SLAIN2: variants seen among roughly 807,000 people sequenced by gnomAD.
The protein encoded by SLAIN2 is SLAIN motif-containing protein 2.
SLAIN2 carries 31 observed loss-of-function variants against 56.6 expected under a neutral mutation model. That is an observed-to-expected ratio of 0.55 (90% CI 0.41 to 0.74). The LOEUF (loss-of-function observed/expected upper bound fraction) is 0.74, where lower values mean the gene tolerates loss of function less well. Ranked by LOEUF, SLAIN2 falls within the 30% of genes least tolerant of loss-of-function variation. The probability of loss-of-function intolerance (pLI) is 0.00; values close to 1 mark genes in which losing one functional copy is unlikely to be tolerated. For synonymous variants in SLAIN2, 317 were observed against 284.9 expected, an observed-to-expected ratio of 1.11 and a Z score of -1.13; for missense variants, 777 against 754.2, an observed-to-expected ratio of 1.03 and a Z score of -0.35.
rs892358380 is a variant in SLAIN2 at position 48,364,851 on chromosome 4, C to T, written c.390-4998C>T. Among the ~76,000 whole-genome samples the T allele has an allele frequency of 3.1e-3, 229 of 73,614 alleles. 1 individual carries two copies. The highest frequency in any genetic ancestry group is 0.01 in the East Asian group (23 of 2,228). The allele number at this position is 73,614 out of a possible 152,430, so 48.3% of individuals were successfully genotyped here. A position where few individuals can be genotyped will look rare whatever the true frequency, so the allele number is the denominator to read the frequency against. ...CTTCGGCTCCGCATGAGAGGGAGAC[C>T]GTGGGGAGACGGAGACGGGAGAGGG... is the stretch of plus-strand genomic sequence containing the variant. On this transcript the variant is annotated intron_variant, in intron 1 of 7. Coordinates refer to ENST00000264313, the MANE Select transcript of SLAIN2 (RefSeq NM_020846.2).
intron 6 of SLAIN2, among the ~76,000 whole-genome samples, chr4:48,384,632 T>G (rs1716057476): frequency 6.6e-6 from 1 of 152,182 alleles, no homozygotes; most frequent in African/African-American, 2.4e-5. Context: ...AAAGAACACA[T>G]GTAGATTATA....
intron 3 of SLAIN2, among the ~76,000 whole-genome samples, chr4:48,378,526 A>G (rs1301027029): frequency 6.6e-6 from 1 of 152,216 alleles, no homozygotes; most frequent in Non-Finnish European, 1.5e-5. Flanking sequence ...TAAACCAGGG[A>G]AAGAATGTTC....
At position 48,378,065 on chromosome 4, in the gene SLAIN2, G is replaced by GAAAA. The variant is rs774401211; in HGVS notation, c.703+5_703+6insAAAA. ...TTATACTTCCTGGAAATTCAGGTAAGGAGAAAATGATATGGAGCTATTAAG... is the reference window on the plus strand; with the variant it reads ...TTATACTTCCTGGAAATTCAGGTAAGAAAAGAGAAAATGATATGGAGCTATTAAG... On this transcript the variant is annotated splice_donor_region_variant and intron_variant, in intron 3 of 7. Coordinates refer to ENST00000264313, the MANE Select transcript of SLAIN2 (RefSeq NM_020846.2). 1 of 1,611,546 alleles carries GAAAA rather than the reference G, an allele frequency of 6.2e-7. No homozygotes were observed. Among genetic ancestry groups the GAAAA allele is most frequent in the East Asian group, 2.2e-5 (1 of 44,812 alleles).
At chr4:48,359,831 T>G (rs1715268268) in intron 1 of SLAIN2, among the ~76,000 whole-genome samples, 1 of 152,196 alleles carries the variant, frequency 6.6e-6, no homozygotes, top group Non-Finnish European at 1.5e-5. Flanking sequence ...TTCTAATAAC[T>G]CAGTATTTAA....
intron 1 of SLAIN2, among the ~76,000 whole-genome samples, chr4:48,364,799 T>A (rs1472006535): frequency 1.5e-5 from 2 of 134,654 alleles, no homozygotes; most frequent in African/African-American, 2.7e-5. Context: ...GGTTGCAGTG[T>A]GCCGAGATGG....
At chr4:48,392,350 A>C (rs1429378714) in intron 6 of SLAIN2, among the ~76,000 whole-genome samples, 4 of 152,192 alleles carry the variant, frequency 2.6e-5, no homozygotes, top group African/African-American at 9.7e-5. Context: ...AACTTGAGGG[A>C]TAAATAGGGG....
intron 6 of SLAIN2, among the ~76,000 whole-genome samples, chr4:48,414,244 A>G (rs1338996112): frequency 1.3e-5 from 2 of 152,216 alleles, no homozygotes; most frequent in African/African-American, 2.4e-5. Context: ...TTTGGGTAAT[A>G]CATTTTGGGT....
chr4:48,381,390 A>G (rs1202025633), intron 4 of SLAIN2, among the ~76,000 whole-genome samples: 1 of 152,056 alleles, frequency 6.6e-6, no homozygotes, highest in Non-Finnish European at 1.5e-5. Context: ...TCCTTTTTAC[A>G]ACATTGTGTT....
At chr4:48,359,162 A>G (rs1715249817) in intron 1 of SLAIN2, among the ~76,000 whole-genome samples, 1 of 152,074 alleles carries the variant, frequency 6.6e-6, no homozygotes, top group Non-Finnish European at 1.5e-5. Context: ...TTTTTTATTC[A>G]GTGTGAATTC....
At chr4:48,392,378 G>T (rs891113947) in intron 6 of SLAIN2, among the ~76,000 whole-genome samples, 1 of 152,048 alleles carries the variant, frequency 6.6e-6, no homozygotes, top group Non-Finnish European at 1.5e-5. Flanking sequence ...CATTGGAGTC[G>T]CCACAGCTAT....
rs190340717 is a variant in SLAIN2, at chr4:48,344,802, C to T, written c.389+2674C>T. 5.0e-4 allele frequency among the ~76,000 whole-genome samples: 76 copies of T among 151,868 alleles called. No homozygotes were observed. In the East Asian group the frequency reaches 0.014, roughly 27 times the overall value. ...CAAAAGTTTCACAAAATGTTGATTA[C>T]TTTTACTACAAGTGGTATGCTTGGA... is the stretch of plus-strand genomic sequence containing the variant. On this transcript the variant is annotated intron_variant, in intron 1 of 7. Transcript: ENST00000264313.
At chr4:48,357,755 A>G (rs11737752) in intron 1 of SLAIN2, among the ~76,000 whole-genome samples, 43,186 of 151,840 alleles carry the variant, frequency 0.28, 6,402 homozygotes, top group South Asian at 0.48. Context: ...AGGTTTCTCC[A>G]TGTTGGTCAG....
chr4:48,382,971 C>G (rs758193331), intron 5 of SLAIN2, 44 bp downstream of exon 5: 12 of 1,511,632 alleles, frequency 7.9e-6, no homozygotes, highest in East Asian at 4.9e-5. Context: ...TTTCTGCTAG[C>G]CTGTGTAACA....
chr4:48,407,237 T>C (rs2109781409), intron 6 of SLAIN2, among the ~76,000 whole-genome samples: 1 of 152,226 alleles, frequency 6.6e-6, no homozygotes, highest in Non-Finnish European at 1.5e-5. Flanking sequence ...CATTATGTAT[T>C]GTGTATATTG....
At chr4:48,411,463 G>A (rs1386700916) in intron 6 of SLAIN2, among the ~76,000 whole-genome samples, 2 of 152,146 alleles carry the variant, frequency 1.3e-5, no homozygotes, top group African/African-American at 4.8e-5. Context: ...AGTGTGAAGT[G>A]TAGGGGTCCA....
At chr4:48,401,563 T>A (rs901708265) in intron 6 of SLAIN2, among the ~76,000 whole-genome samples, 6 of 152,210 alleles carry the variant, frequency 3.9e-5, no homozygotes, top group Non-Finnish European at 7.3e-5. Context: ...TCTTTGTTGG[T>A]TTAAAGTCTG....
At chr4:48,381,610 C>T (rs1400129116) in intron 4 of SLAIN2, among the ~76,000 whole-genome samples, 1 of 152,154 alleles carries the variant, frequency 6.6e-6, no homozygotes, top group Non-Finnish European at 1.5e-5. Flanking sequence ...CCCCGACTAA[C>T]TGAAGGGCTA....
At chr4:48,362,746 T>TA (rs1553902292) in intron 1 of SLAIN2, among the ~76,000 whole-genome samples, 10 of 126,374 alleles carry the variant, frequency 7.9e-5, no homozygotes, top group South Asian at 2.7e-4. Context: ...TTTTTTTTTT[T>TA]ATTCTTTTTT....
chr4:48,379,743 G>A lies in SLAIN2; in HGVS notation c.757G>A (p.Asp253Asn). 2 of 1,591,732 alleles carry A rather than the reference G, an allele frequency of 1.3e-6. No homozygotes were observed. The highest frequency in any genetic ancestry group is 2.7e-5 in the African/African-American group (2 of 73,408). ...TCCACTCAGTCCTCAGTCCTCTATA[G>A]ATAGTGAGTTAAGTGCTTCAGAATT... Reference protein sequence around the residue: ...NPPLSPQSSIDSELSASELDE... With the variant: ...NPPLSPQSSINSELSASELDE... The change falls in exon 4 of 8, where the codon GAT (aspartate) becomes AAT (asparagine). Residue 253 changes from aspartate to asparagine, a missense_variant. Asp to Asn is a conservative substitution (Grantham distance 23). Coordinates refer to ENST00000264313, the MANE Select transcript of SLAIN2 (RefSeq NM_020846.2).
Sources: allele counts gnomAD v4.1 joint callset (sites outside exome capture counted in the v4.1 genomes callset), GRCh38; gene constraint gnomAD v4.1.1; transcripts MANE v1.5; gene names NCBI Gene and HGNC (gene_info 2026-07-23, HGNC 2026-07-21).